PCDHGC4: variants seen among roughly 807,000 people sequenced by gnomAD.
PCDHGC4 encodes protocadherin gamma subfamily C, 4, also known as protocadherin gamma-C4.
In PCDHGC4, 15 loss-of-function variants were observed where a neutral mutation model predicts 59.7. The observed-to-expected ratio is 0.25, with a 90% CI of 0.17 to 0.39. PCDHGC4 has a LOEUF of 0.39. Among genes scored for constraint, PCDHGC4 ranks in the 10% least tolerant of loss-of-function variants. The pLI is 1.00. For synonymous variants in PCDHGC4, 434 were observed against 481.4 expected (o/e 0.90, Z 1.29); for missense variants, 1,016 against 1,189.5 (o/e 0.85, Z 2.15).
Position 141,511,410 on chromosome 5 carries a change from T to TA in PCDHGC4, c.*238dup. On this transcript the variant is annotated 3_prime_UTR_variant, in exon 4 of 4. Coordinates refer to ENST00000306593, the MANE Select transcript of PCDHGC4 (RefSeq NM_018928.3). ...GGAACCCCCATCCAATCAACTGCTG[T>TA]ACCCATGGGGGTAGTGGGGTTACTG... The TA allele has an allele frequency of 1.1e-6, 1 of 908,822 alleles. No homozygotes were observed. The highest frequency in any genetic ancestry group is 1.6e-6 in the Non-Finnish European group (1 of 624,204). 56.3% of individuals were successfully genotyped at this position (908,822 alleles called of 1,614,324 possible).
Position 141,485,598 on chromosome 5 carries a change from T to C in PCDHGC4, c.425T>C (p.Ile142Thr), listed in dbSNP as rs931717579. 25 of 1,612,028 alleles carry C rather than the reference T, an allele frequency of 1.6e-5. No individual in the cohort carries two copies. Among genetic ancestry groups the C allele is most frequent in the African/African-American group, 2.7e-5 (2 of 74,838 alleles). ...RFPRQQLDLE[I>T]GEAAPPGQRF... ...CCGCGGCAGCAGCTGGACTTGGAAA[T>C]TGGGGAGGCAGCTCCTCCAGGACAG... Residue 142 changes from isoleucine to threonine, a missense_variant, in exon 1 of 4, where the codon ATT becomes ACT. Transcript: ENST00000306593. This position sits in a 1 kb window ranked among gnomAD's most constrained non-coding sequence, Gnocchi z 5.7.
Position 141,489,316 on chromosome 5 carries a change from T to C in PCDHGC4, c.2442+1701T>C, listed in dbSNP as rs2099685399. On this transcript the variant is annotated intron_variant, in intron 1 of 3. Transcript: ENST00000306593. This position sits in a 1 kb window ranked among gnomAD's most constrained non-coding sequence, Gnocchi z 4.5. The stretch of plus-strand genomic sequence containing the variant: ...CATGTTGTCCTTGTGCTGCTGGGGC[T>C]GGGTGTCTGGGCAGCTTCGTTACTC... The C allele has an allele frequency of 1.3e-6, 2 of 1,597,946 alleles. No individual in the cohort carries two copies. Among genetic ancestry groups the C allele is most frequent in the Admixed American group, 1.7e-5 (1 of 58,864 alleles).
intron 3 of PCDHGC4, among the ~76,000 whole-genome samples, chr5:141,507,673 G>A (rs184362608): frequency 6.6e-5 from 10 of 152,368 alleles, no homozygotes; most frequent in Admixed American, 2.6e-4. Context: ...AAATCCAGAT[G>A]TTAAAAACAG....
intron 2 of PCDHGC4, among the ~76,000 whole-genome samples, chr5:141,503,984 C>T (rs967348519): frequency 2.0e-5 from 3 of 152,184 alleles, no homozygotes; most frequent in African/African-American, 7.2e-5. Context: ...AACCCTTCTT[C>T]TTACCTTACA....
At chr5:141,506,432 C>A (rs2099853359) in intron 3 of PCDHGC4, among the ~76,000 whole-genome samples, 1 of 132,482 alleles carries the variant, frequency 7.5e-6, no homozygotes, top group Non-Finnish European at 1.6e-5. Context: ...GGGCAACAGT[C>A]TCGCTCTGTC....
At chr5:141,502,400 C>T (rs964923206) in intron 2 of PCDHGC4, among the ~76,000 whole-genome samples, 2 of 151,748 alleles carry the variant, frequency 1.3e-5, no homozygotes, top group African/African-American at 4.8e-5. Flanking sequence ...AAAATGTCCC[C>T]GAACCTGGAT....
At position 141,511,187 on chromosome 5, in the gene PCDHGC4, C is replaced by T; in HGVS notation, c.*14C>T. The stretch of plus-strand genomic sequence containing the variant: ...GAGAAGAAGTAACATGGAGGCCAGG[C>T]CAAGAGCCACAGGGCGGCCTCTCCC... On this transcript the variant is annotated 3_prime_UTR_variant, in exon 4 of 4. Transcript: ENST00000306593. The T allele has an allele frequency of 1.2e-6, 2 of 1,613,868 alleles. No homozygotes were observed. The highest frequency in any genetic ancestry group is 1.7e-6 in the Non-Finnish European group (2 of 1,179,878).
At chr5:141,509,376 C>A (rs2099876528) in intron 3 of PCDHGC4, among the ~76,000 whole-genome samples, 1 of 152,122 alleles carries the variant, frequency 6.6e-6, no homozygotes, top group African/African-American at 2.4e-5. Flanking sequence ...TTAACTGTCT[C>A]CTAACCACAG....
intron 3 of PCDHGC4, among the ~76,000 whole-genome samples, chr5:141,510,330 C>T (rs1420880240): frequency 6.6e-6 from 1 of 151,298 alleles, no homozygotes; most frequent in Non-Finnish European, 1.5e-5. Context: ...GCACTCTTCA[C>T]CCCCACCCCA....
intron 2 of PCDHGC4, among the ~76,000 whole-genome samples, chr5:141,500,035 CTT>C: frequency 6.6e-6 from 1 of 152,100 alleles, no homozygotes; most frequent in East Asian, 1.9e-4. Flanking sequence ...GTGAGTGTCT[CTT>C]AAGTATCTTA....
In PCDHGC4 at chr5:141,511,829, G is replaced by A. The variant is rs1181369164; in HGVS notation, c.*656G>A. 1 of 156,774 alleles carries A rather than the reference G, an allele frequency of 6.4e-6. No individual in the cohort carries two copies. Among genetic ancestry groups the A allele is most frequent in the Non-Finnish European group, 1.4e-5 (1 of 70,652 alleles). The allele number at this position is 156,774 out of a possible 1,614,324, so 9.7% of individuals were successfully genotyped here. Reference sequence around the variant, plus strand: ...TACCAAGCCTCTTCCCAACGCCCTGGGGACCAGTCTTCTGTTTTGTTTTTC... The same window carrying A: ...TACCAAGCCTCTTCCCAACGCCCTGAGGACCAGTCTTCTGTTTTGTTTTTC... On this transcript the variant is annotated 3_prime_UTR_variant, in exon 4 of 4. Transcript: ENST00000306593.
Position 141,486,740 on chromosome 5 carries a change from T to G in PCDHGC4, c.1567T>G (p.Phe523Val). Reference sequence around the variant, plus strand: ...AGGAGCTGTTCATGCTACTCGATCCTTTGACTATGAGCAAACCCAGACACT... The same window carrying G: ...AGGAGCTGTTCATGCTACTCGATCCGTTGACTATGAGCAAACCCAGACACT... ...QTGAVHATRSFDYEQTQTLQF... is the reference protein window; with the variant it reads ...QTGAVHATRSVDYEQTQTLQF... The change falls in exon 1 of 4, where the codon TTT (phenylalanine) becomes GTT (valine). Residue 523 changes from phenylalanine (F) to valine (V), a missense_variant. Physicochemically the swap from Phe to Val is conservative, Grantham distance 50. Transcript: ENST00000306593. This position sits in a 1 kb window ranked among gnomAD's most constrained non-coding sequence, Gnocchi z 5.0. 6.2e-7 allele frequency: 1 copy of G among 1,614,234 alleles called. No individual in the cohort carries two copies. The highest frequency in any genetic ancestry group is 8.5e-7 in the Non-Finnish European group (1 of 1,180,046).
chr5:141,507,397 AC>A (rs1163501030), intron 3 of PCDHGC4: 1 of 152,144 alleles, frequency 6.6e-6, no homozygotes. Flanking sequence ...TGGCAACTCT[AC>A]CCCAGATGTC....
Position 141,487,649 on chromosome 5 carries a change from G to T in PCDHGC4, c.2442+34G>T. The T allele has an allele frequency of 1.2e-6, 2 of 1,614,020 alleles. No individual in the cohort carries two copies. The highest frequency in any genetic ancestry group is 1.7e-6 in the Non-Finnish European group (2 of 1,179,968). The stretch of plus-strand genomic sequence containing the variant: ...TTTGCAGGCTCAACAAATGCTTGAG[G>T]GTTATTCTGATCCAGGCATATGGCT... On this transcript the variant is annotated intron_variant, in intron 1 of 3. Coordinates refer to ENST00000306593, the MANE Select transcript of PCDHGC4 (RefSeq NM_018928.3). This position sits in a 1 kb window ranked among gnomAD's most constrained non-coding sequence, Gnocchi z 5.0.
At chr5:141,498,467 G>C (rs535351060) in intron 2 of PCDHGC4, among the ~76,000 whole-genome samples, 1 of 152,116 alleles carries the variant, frequency 6.6e-6, no homozygotes, top group East Asian at 1.9e-4. Context: ...GTCTAACCCT[G>C]GTTCCAGCCT....
At chr5:141,498,921 AG>A (rs1289139995) in intron 2 of PCDHGC4, among the ~76,000 whole-genome samples, 1 of 140,074 alleles carries the variant, frequency 7.1e-6, no homozygotes, top group Non-Finnish European at 1.6e-5. Flanking sequence ...TGACAGAGCG[AG>A]ACTCCATCAG....
chr5:141,489,592 C>A lies in PCDHGC4; in HGVS notation c.2442+1977C>A, dbSNP rs747085985. On this transcript the variant is annotated intron_variant, in intron 1 of 3. Coordinates refer to ENST00000306593, the MANE Select transcript of PCDHGC4 (RefSeq NM_018928.3). The surrounding 1 kb of genome is among the most constrained non-coding windows in gnomAD (Gnocchi z 4.5). ...GACTGAACACCCCCTGGAGCTAATCCGTGTAGAGGTAGAGATCCTGGATCT... is the reference window on the plus strand; with the variant it reads ...GACTGAACACCCCCTGGAGCTAATCAGTGTAGAGGTAGAGATCCTGGATCT... 3 of 1,614,046 alleles carry A rather than the reference C, an allele frequency of 1.9e-6. No homozygotes were observed. Among genetic ancestry groups the A allele is most frequent in the Non-Finnish European group, 2.5e-6 (3 of 1,179,978 alleles).
At position 141,486,114 on chromosome 5, in the gene PCDHGC4, A is replaced by G; in HGVS notation, c.941A>G (p.Asn314Ser). Residue 314 changes from asparagine to serine, a missense_variant, in exon 1 of 4, where the codon AAT becomes AGT. Coordinates refer to ENST00000306593, the MANE Select transcript of PCDHGC4 (RefSeq NM_018928.3). This position sits in a 1 kb window ranked among gnomAD's most constrained non-coding sequence, Gnocchi z 5.0. ...GGGCCCCTAGACTTTGAGAGTGAGAATTACTATGAATTTGATGTGCGGGCT... is the reference window on the plus strand; with the variant it reads ...GGGCCCCTAGACTTTGAGAGTGAGAGTTACTATGAATTTGATGTGCGGGCT... ...LLGPLDFESE[N>S]YYEFDVRARD... 3 of 1,614,082 alleles carry G rather than the reference A, an allele frequency of 1.9e-6. No individual in the cohort carries two copies. Among genetic ancestry groups the G allele is most frequent in the South Asian group, 2.2e-5 (2 of 91,072 alleles).
chr5:141,492,998 C>A (rs2154589328), intron 1 of PCDHGC4, among the ~76,000 whole-genome samples: 1 of 152,334 alleles, frequency 6.6e-6, no homozygotes, highest in Admixed American at 6.5e-5. Flanking sequence ...AGATGGAAAG[C>A]TATAGGCTCT....
Sources: gnomAD v4.1 joint callset for allele counts (sites outside exome capture counted in the v4.1 genomes callset) on GRCh38, gnomAD v4.1.1 for gene constraint, Gnocchi (gnomAD v3.1) non-coding constraint, MANE v1.5 for transcripts, NCBI Gene and HGNC (gene_info 2026-07-23, HGNC 2026-07-21) for gene names.